The following ZNF334 variants were observed in gnomAD, a reference collection of about 807,000 sequenced individuals.
The protein encoded by ZNF334 is zinc finger protein 334.
In ZNF334, 14 loss-of-function variants were observed where a neutral mutation model predicts 12.4. The observed-to-expected ratio is 1.13, with a 90% CI of 0.74 to 1.76. ZNF334 has a LOEUF of 1.76. Ranked by LOEUF, ZNF334 falls within the 40% of genes most tolerant of loss-of-function variation. ZNF334 has a pLI of 0.00. For missense variants in ZNF334, 797 were observed against 804.5 expected (o/e 0.99, Z 0.11); for synonymous variants, 273 against 269.6 (o/e 1.01, Z -0.12).
chr20:46,504,833 T>C, intron 2 of ZNF334, 93 bp from the exon 3 acceptor site: 1 of 1,161,290 alleles, frequency 8.6e-7, no homozygotes, highest in Admixed American at 2.4e-5. Flanking sequence ...CCATGGCTAA[T>C]GGAAAGCTAT....
the ZNF334 span, among the ~76,000 whole-genome samples, chr20:46,478,288 A>G: frequency 4.3e-3 from 659 of 152,360 alleles, 5 homozygotes; most frequent in South Asian, 0.018. Context: ...GACATTAATC[A>G]GTACAAAAAA....
the ZNF334 span, among the ~76,000 whole-genome samples, chr20:46,483,469 T>C: frequency 6.6e-6 from 1 of 152,214 alleles, no homozygotes; most frequent in African/African-American, 2.4e-5. Flanking sequence ...CATTTTTCTA[T>C]TGTAAGTCTG....
chr20:46,474,501 C>T, the ZNF334 span: 1 of 152,032 alleles, frequency 6.6e-6, no homozygotes, highest in Non-Finnish European at 1.5e-5. Flanking sequence ...ATATACTCAC[C>T]TATATCCAGA....
chr20:46,497,656 T>G (rs564975316), downstream of ZNF334, among the ~76,000 whole-genome samples: 2 of 152,342 alleles, frequency 1.3e-5, no homozygotes, highest in Admixed American at 1.3e-4. Context: ...AAAATACAAA[T>G]GCTCCACAAC....
chr20:46,510,829 T>C (rs1365394693), intron 2 of ZNF334, among the ~76,000 whole-genome samples: 4 of 148,744 alleles, frequency 2.7e-5, no homozygotes, highest in South Asian at 2.1e-4. Flanking sequence ...GCAGCACTGA[T>C]AGGGAAAAAA....
rs767201244 is a variant in ZNF334 at position 46,503,097 on chromosome 20, T to C, written c.242A>G (p.Asp81Gly). The change falls in exon 5 of 5, where the codon GAC becomes GGC. Residue 81 changes from aspartate to glycine, a missense_variant and splice_region_variant. Coordinates refer to ENST00000692313, the MANE Select transcript of ZNF334 (RefSeq NM_001353824.2). The stretch of plus-strand genomic sequence containing the variant: ...GTTCTTCTCTAAGGCATCATCAATG[T>C]CTAGAAAAAGGAACACAATTAACGG... ...VEEFSNQNYPDIDDALEKNKE... is the reference protein window; with the variant it reads ...VEEFSNQNYPGIDDALEKNKE... 1.3e-6 allele frequency: 2 copies of C among 1,584,884 alleles called. No homozygotes were observed. Among genetic ancestry groups the C allele is most frequent in the African/African-American group, 1.4e-5 (1 of 73,534 alleles).
At chr20:46,483,356 AT>A in the ZNF334 span, among the ~76,000 whole-genome samples, 1 of 151,936 alleles carries the variant, frequency 6.6e-6, no homozygotes, top group African/African-American at 2.4e-5. Context: ...CAACATACTA[AT>A]TTAAGTTTTT....
chr20:46,469,370 CT>C, the ZNF334 span, among the ~76,000 whole-genome samples: 603 of 138,662 alleles, frequency 4.3e-3, 2 homozygotes, highest in African/African-American at 9.4e-3. Flanking sequence ...CCCTATGCTC[CT>C]TTTTTTTTTT....
At chr20:46,490,547 T>C in the ZNF334 span, among the ~76,000 whole-genome samples, 1 of 152,242 alleles carries the variant, frequency 6.6e-6, no homozygotes, top group South Asian at 2.1e-4. Context: ...TTTTCTGTTT[T>C]GGTTATTAAA....
At chr20:46,478,835 C>T in the ZNF334 span, among the ~76,000 whole-genome samples, 5 of 152,108 alleles carry the variant, frequency 3.3e-5, no homozygotes, top group African/African-American at 7.2e-5. Context: ...CATTTCACCC[C>T]GTTGGGTCTT....
intron 2 of ZNF334, among the ~76,000 whole-genome samples, chr20:46,507,333 T>C (rs2061471283): frequency 6.6e-6 from 1 of 151,998 alleles, no homozygotes; most frequent in Non-Finnish European, 1.5e-5. Flanking sequence ...AGGTTGTAAG[T>C]GACAAAGAAG....
In ZNF334 at chr20:46,504,258, T is replaced by G. The variant is rs150101179; in HGVS notation, c.197A>C (p.Glu66Ala). ...PDVIFKLEQG[E>A]EPWIVEEFSN... ...GAATTCCTCCACTATCCATGGCTCT[T>G]CTCCTTGCTCCAATTTGAAAATCAC... The change falls in exon 4 of 5, where the codon GAA (glutamate) becomes GCA (alanine). Residue 66 changes from glutamate to alanine, a missense_variant. Physicochemically the swap from Glu to Ala is moderately radical, Grantham distance 107. Transcript: ENST00000692313. The G allele has an allele frequency of 6.8e-5, 110 of 1,613,946 alleles. No homozygotes were observed. The African/African-American group carries it at 1.4e-3, about 21-fold the overall frequency.
At chr20:46,497,577 T>C (rs1476259875), downstream of ZNF334, among the ~76,000 whole-genome samples, 1 of 152,196 alleles carries the variant, frequency 6.6e-6, no homozygotes, top group Non-Finnish European at 1.5e-5. Context: ...TTCCCCCTTA[T>C]TCCCTGCAAA....
At chr20:46,474,914 G>A in the ZNF334 span, among the ~76,000 whole-genome samples, 2 of 152,206 alleles carry the variant, frequency 1.3e-5, no homozygotes, top group African/African-American at 2.4e-5. Context: ...TTTAGTGAGA[G>A]AGACAGAGAG....
chr20:46,490,923 G>A, the ZNF334 span: 1 of 152,300 alleles, frequency 6.6e-6, no homozygotes, highest in Admixed American at 6.6e-5. Flanking sequence ...CGAACACATC[G>A]TACTTTTGTC....
At chr20:46,493,160 G>A in the ZNF334 span, among the ~76,000 whole-genome samples, 86 of 152,138 alleles carry the variant, frequency 5.7e-4, no homozygotes, top group Non-Finnish European at 9.6e-4. Flanking sequence ...CCTGTGGTAA[G>A]CAGTGATAAG....
the ZNF334 span, among the ~76,000 whole-genome samples, chr20:46,479,335 A>ATT: frequency 9.2e-5 from 14 of 152,178 alleles, no homozygotes; most frequent in Non-Finnish European, 2.1e-4. Context: ...CTGTAAGCCA[A>ATT]AACAAAAATC....
chr20:46,501,444 T>C lies in ZNF334; in HGVS notation c.1895A>G (p.Gln632Arg). Residue 632 changes from glutamine to arginine, a missense_variant, in exon 5 of 5, where the codon CAA becomes CGA. Transcript: ENST00000692313. ...HTGEKPYECN[Q>R]CGKTYRRLWT... Reference sequence around the variant, plus strand: ...CAGGCGACGGTAGGTTTTCCCACATTGATTACATTCATATGGTTTCTCTCC... The same window carrying C: ...CAGGCGACGGTAGGTTTTCCCACATCGATTACATTCATATGGTTTCTCTCC... 1 of 1,614,130 alleles carries C rather than the reference T, an allele frequency of 6.2e-7. No homozygotes were observed. Among genetic ancestry groups the C allele is most frequent in the Non-Finnish European group, 8.5e-7 (1 of 1,180,016 alleles).
At chr20:46,470,420 C>G in the ZNF334 span, among the ~76,000 whole-genome samples, 1 of 152,208 alleles carries the variant, frequency 6.6e-6, no homozygotes, top group Non-Finnish European at 1.5e-5. Flanking sequence ...CTGAAGGAAA[C>G]TACCCTGAGA....
Sources: gnomAD v4.1 joint callset for allele counts (sites outside exome capture counted in the v4.1 genomes callset) on GRCh38, gnomAD v4.1.1 for gene constraint, MANE v1.5 for transcripts, NCBI Gene and HGNC (gene_info 2026-07-23, HGNC 2026-07-21) for gene names.